Variants in CACNA1D observed in about 807,000 individuals in gnomAD.
The protein encoded by CACNA1D is voltage-dependent L-type calcium channel subunit alpha-1D.
CACNA1D carries 55 observed loss-of-function variants against 257.1 expected under a neutral mutation model. The observed-to-expected ratio is 0.21, with a 90% CI of 0.17 to 0.27. The LOEUF (loss-of-function observed/expected upper bound fraction) is 0.27, where lower values mean the gene tolerates loss of function less well. CACNA1D is among the 10% of genes least tolerant of loss of function. The pLI is 1.00. For synonymous variants in CACNA1D, 980 were observed against 1,014.9 expected (o/e 0.97, Z 0.65); for missense variants, 1,876 against 2,784.0 (o/e 0.67, Z 7.34).
intron 3 of CACNA1D, among the ~76,000 whole-genome samples, chr3:53,610,499 C>G (rs1576078366): frequency 6.6e-6 from 1 of 152,090 alleles, no homozygotes. Flanking sequence ...TCCTCTTTCT[C>G]CCTGTTGATG....
intron 3 of CACNA1D, among the ~76,000 whole-genome samples, chr3:53,616,284 G>A (rs1019998744): frequency 6.6e-6 from 1 of 152,182 alleles, no homozygotes; most frequent in Non-Finnish European, 1.5e-5. Flanking sequence ...CGGCCCCCCG[G>A]TTCATATCAT....
At chr3:53,801,737 A>G (rs929418084) in intron 42 of CACNA1D, among the ~76,000 whole-genome samples, 6 of 152,204 alleles carry the variant, frequency 3.9e-5, no homozygotes, top group Admixed American at 2.6e-4. Context: ...GGGGTTGGTG[A>G]ATTGTTTCTC....
chr3:53,559,689 G>A (rs1238610217), intron 3 of CACNA1D, among the ~76,000 whole-genome samples: 1 of 152,188 alleles, frequency 6.6e-6, no homozygotes, highest in African/African-American at 2.4e-5. Context: ...GAGCTTAAAT[G>A]TGAGCCCACA....
At chr3:53,721,527 A>G (rs2094882783) in intron 11 of CACNA1D, among the ~76,000 whole-genome samples, 1 of 152,216 alleles carries the variant, frequency 6.6e-6, no homozygotes, top group Non-Finnish European at 1.5e-5. Context: ...GGTTTTCTAG[A>G]AGGAGACAGG....
At chr3:53,516,401 G>A (rs1323697085) in intron 3 of CACNA1D, among the ~76,000 whole-genome samples, 3 of 152,228 alleles carry the variant, frequency 2.0e-5, no homozygotes, top group Non-Finnish European at 4.4e-5. Context: ...CACGGAGGTT[G>A]GAAAGAGGAG....
intron 3 of CACNA1D, among the ~76,000 whole-genome samples, chr3:53,534,333 T>C (rs371960741): frequency 8.5e-5 from 13 of 152,308 alleles, no homozygotes; most frequent in African/African-American, 3.1e-4. Flanking sequence ...GGCTTAAGCT[T>C]TATCTTATCT....
At chr3:53,636,796 A>G (rs551180155) in intron 3 of CACNA1D, among the ~76,000 whole-genome samples, 4 of 152,318 alleles carry the variant, frequency 2.6e-5, no homozygotes, top group South Asian at 2.1e-4. Flanking sequence ...ATGTTATTCT[A>G]CTTCCTATAA....
At chr3:53,555,685 C>A (rs1289685404) in intron 3 of CACNA1D, among the ~76,000 whole-genome samples, 1 of 151,986 alleles carries the variant, frequency 6.6e-6, no homozygotes, top group Admixed American at 6.6e-5. Context: ...TTGCGCCTGA[C>A]CTTTTGGGAA....
In CACNA1D at chr3:53,732,811, A is replaced by G; in HGVS notation, c.2474-4A>G. The G allele has an allele frequency of 6.2e-7, 1 of 1,611,920 alleles. No homozygotes were observed. Among genetic ancestry groups the G allele is most frequent in the Non-Finnish European group, 8.5e-7 (1 of 1,178,010 alleles). On this transcript the variant is annotated splice_region_variant and splice_polypyrimidine_tract_variant and intron_variant, in intron 18 of 47. Transcript: ENST00000350061. ...TGCCTATAAAAAAAGTATTTCATTT[A>G]AAGTAGGGGAAGAGGAAGAGGAAGA...
rs376521230 is a variant in CACNA1D, at chr3:53,783,434, C to T, written c.4792+1767C>T. Among the ~76,000 whole-genome samples, 53 of 152,340 alleles carry T rather than the reference C, an allele frequency of 3.5e-4. 2 individuals carry two copies. Among genetic ancestry groups the T allele is most frequent in the East Asian group, 3.5e-3 (18 of 5,192 alleles). ...CTTTCTTGGTCCAATAACTGGACCT[C>T]GCCTTTTCTCTCTATTTCTTAAAAT... On this transcript the variant is annotated intron_variant, in intron 39 of 47. Coordinates refer to ENST00000350061, the MANE Select transcript of CACNA1D (RefSeq NM_001128840.3).
chr3:53,776,841 G>C lies in CACNA1D; in HGVS notation c.4491-19G>C, dbSNP rs2109040206. 6.2e-7 allele frequency: 1 copy of C among 1,613,486 alleles called. No individual in the cohort carries two copies. Among genetic ancestry groups the C allele is most frequent in the Non-Finnish European group, 8.5e-7 (1 of 1,179,394 alleles). On this transcript the variant is annotated intron_variant, in intron 36 of 47. Transcript: ENST00000350061. ...CAGCTGGTACTGTTCCTGGACCTTAGATTGTATTTTACTTCCAGGGGAAGG... is the reference window on the plus strand; with the variant it reads ...CAGCTGGTACTGTTCCTGGACCTTACATTGTATTTTACTTCCAGGGGAAGG...
intron 8 of CACNA1D, among the ~76,000 whole-genome samples, chr3:53,680,901 G>T (rs1054882365): frequency 6.6e-6 from 1 of 152,218 alleles, no homozygotes; most frequent in African/African-American, 2.4e-5. Context: ...TTGCAGGGCA[G>T]CTTGGTATAC....
chr3:53,568,160 G>A (rs1215445149), intron 3 of CACNA1D, among the ~76,000 whole-genome samples: 1 of 152,082 alleles, frequency 6.6e-6, no homozygotes, highest in Non-Finnish European at 1.5e-5. Flanking sequence ...TACTGTCTTG[G>A]TAAGACCTCA....
chr3:53,621,580 A>T (rs1278178396), intron 3 of CACNA1D, among the ~76,000 whole-genome samples: 2 of 152,240 alleles, frequency 1.3e-5, no homozygotes, highest in Non-Finnish European at 2.9e-5. Flanking sequence ...AATGTTTCTA[A>T]GACAGGGCAC....
chr3:53,680,359 T>A (rs892098820), intron 8 of CACNA1D, among the ~76,000 whole-genome samples: 8 of 150,140 alleles, frequency 5.3e-5, no homozygotes, highest in Admixed American at 4.6e-4. Context: ...TTTTTTTTTT[T>A]AATAATGTAC....
chr3:53,775,805 A>T (rs2095394001), intron 34 of CACNA1D, 81 bp from the exon 35 acceptor site: 7 of 1,338,408 alleles, frequency 5.2e-6, no homozygotes, highest in Non-Finnish European at 7.5e-6. Context: ...TGCTCTAATT[A>T]TGAGTTTTTC....
At position 53,810,758 on chromosome 3, in the gene CACNA1D, C is replaced by CAAAAAAAAAAA. The variant is rs71074934; in HGVS notation, c.6193-337_6193-327dup. Among the ~76,000 whole-genome samples, 28 of 68,290 alleles carry CAAAAAAAAAAA rather than the reference C, an allele frequency of 4.1e-4. 1 individual carries two copies. The highest frequency in any genetic ancestry group is 1.1e-3 in the African/African-American group (13 of 11,864). 44.8% of individuals were successfully genotyped at this position (68,290 alleles called of 152,430 possible). On this transcript the variant is annotated intron_variant, in intron 47 of 47. Coordinates refer to ENST00000350061, the MANE Select transcript of CACNA1D (RefSeq NM_001128840.3). ...GGGCCACAGAGCGAGACTCTTGTCTCAAAAAAAAAAAAAAAAAAAAAAAAA... is the reference window on the plus strand; with the variant it reads ...GGGCCACAGAGCGAGACTCTTGTCTCAAAAAAAAAAAAAAAAAAAAAAAAAAAAAAAAAAAA...
At position 53,718,458 on chromosome 3, in the gene CACNA1D, G is replaced by T. The variant is rs1195827533; in HGVS notation, c.1478+70G>T. 5.6e-6 allele frequency: 8 copies of T among 1,422,872 alleles called. No homozygotes were observed. The East Asian group carries it at 1.4e-4, about 25-fold the overall frequency. The allele number at this position is 1,422,872 out of a possible 1,614,324, so 88.1% of individuals were successfully genotyped here. ...AGAGAAGCAGGTGGTGAGGAAGACC[G>T]CCCAGGCTGCAGCAGAGCCCCGGGC... On this transcript the variant is annotated intron_variant, in intron 10 of 47. Coordinates refer to ENST00000350061, the MANE Select transcript of CACNA1D (RefSeq NM_001128840.3).
At chr3:53,537,596 C>A (rs2092151819) in intron 3 of CACNA1D, among the ~76,000 whole-genome samples, 1 of 152,078 alleles carries the variant, frequency 6.6e-6, no homozygotes, top group South Asian at 2.1e-4. Flanking sequence ...CTGAGTATTA[C>A]CTATAATTGT....
Sources: allele counts gnomAD v4.1 joint callset (sites outside exome capture counted in the v4.1 genomes callset), GRCh38; gene constraint gnomAD v4.1.1; transcripts MANE v1.5; gene names NCBI Gene and HGNC (gene_info 2026-07-23, HGNC 2026-07-21).